Variants in NDUFAF6 observed in about 807,000 individuals in gnomAD.
NDUFAF6 encodes the protein NADH:ubiquinone oxidoreductase complex assembly factor 6.
NDUFAF6 carries 45 observed loss-of-function variants against 40.8 expected under a neutral mutation model. The observed-to-expected ratio is 1.10, with a 90% CI of 0.87 to 1.42. NDUFAF6 has a LOEUF of 1.42. Among genes scored for constraint, NDUFAF6 ranks in the 40% most tolerant of loss-of-function variants. The probability of loss-of-function intolerance (pLI) is 0.00; values close to 1 mark genes in which losing one functional copy is unlikely to be tolerated. For synonymous variants in NDUFAF6, 185 were observed against 155.9 expected (o/e 1.19, Z -1.39); for missense variants, 435 against 418.5 (o/e 1.04, Z -0.34).
chr8:94,957,479 A>G (rs1469062523), upstream of NDUFAF6, among the ~76,000 whole-genome samples: 1 of 152,196 alleles, frequency 6.6e-6, no homozygotes, highest in African/African-American at 2.4e-5. Context: ...AGGGACAGCC[A>G]ATGGGGTGAC....
chr8:94,959,945 C>G (rs1563749781), intron 1 of NDUFAF6, among the ~76,000 whole-genome samples: 3 of 152,152 alleles, frequency 2.0e-5, no homozygotes, highest in Non-Finnish European at 4.4e-5. Context: ...TCCCCAGCAC[C>G]AAGGATCACG....
At chr8:94,953,292 G>A (rs912950477), upstream of NDUFAF6, among the ~76,000 whole-genome samples, 5 of 151,648 alleles carry the variant, frequency 3.3e-5, no homozygotes, top group Admixed American at 6.6e-5. Flanking sequence ...GGTTGCATGA[G>A]CCGAGATCGC....
chr8:94,975,004 G>C (rs1025326439), intron 1 of NDUFAF6, among the ~76,000 whole-genome samples: 6 of 152,216 alleles, frequency 3.9e-5, no homozygotes, highest in Non-Finnish European at 7.3e-5. Flanking sequence ...AGATCTGCGA[G>C]GTTCCAAAAC....
At chr8:94,898,309 A>C (rs572759077) in intron 1 of NDUFAF6, among the ~76,000 whole-genome samples, 6 of 152,228 alleles carry the variant, frequency 3.9e-5, no homozygotes, top group Non-Finnish European at 8.8e-5. Context: ...GATACCCATC[A>C]CATTTAGATG....
At chr8:94,956,909 G>T (rs1045933472), upstream of NDUFAF6, among the ~76,000 whole-genome samples, 4 of 152,174 alleles carry the variant, frequency 2.6e-5, no homozygotes, top group Non-Finnish European at 4.4e-5. Flanking sequence ...AGTGGCTCAT[G>T]CCTGTAATCA....
At chr8:94,962,499 G>T (rs922685885) in intron 1 of NDUFAF6, among the ~76,000 whole-genome samples, 1 of 152,164 alleles carries the variant, frequency 6.6e-6, no homozygotes, top group African/African-American at 2.4e-5. Flanking sequence ...TGCCATGTTG[G>T]CCAGGCTAGT....
intron 2 of NDUFAF6, among the ~76,000 whole-genome samples, chr8:94,990,485 G>A (rs1826144159): frequency 6.6e-6 from 1 of 152,052 alleles, no homozygotes; most frequent in Admixed American, 6.6e-5. Context: ...CCTCTGATGG[G>A]TTCTTGAGTT....
At chr8:94,913,520 G>A (rs963641642) in intron 1 of NDUFAF6, among the ~76,000 whole-genome samples, 1 of 152,200 alleles carries the variant, frequency 6.6e-6, no homozygotes, top group Non-Finnish European at 1.5e-5. Flanking sequence ...TTCTGGGCCA[G>A]GCGCAGTGGC....
At chr8:94,975,004 G>T (rs1025326439) in intron 1 of NDUFAF6, among the ~76,000 whole-genome samples, 1 of 152,216 alleles carries the variant, frequency 6.6e-6, no homozygotes, top group Non-Finnish European at 1.5e-5. Flanking sequence ...AGATCTGCGA[G>T]GTTCCAAAAC....
chr8:95,039,377 G>A (rs996979701), intron 3 of NDUFAF6, among the ~76,000 whole-genome samples: 11 of 151,808 alleles, frequency 7.2e-5, no homozygotes, highest in South Asian at 4.2e-4. Flanking sequence ...CGCTTGAACC[G>A]GGGAGGTGGA....
At chr8:95,018,537 C>T (rs1406292428) in intron 2 of NDUFAF6, among the ~76,000 whole-genome samples, 1 of 150,978 alleles carries the variant, frequency 6.6e-6, no homozygotes, top group African/African-American at 2.4e-5. Context: ...TCCCTTTCCT[C>T]AAGGTGCTCC....
intron 2 of NDUFAF6, chr8:95,085,707 A>T (rs1337049851): frequency 6.6e-6 from 1 of 152,108 alleles, no homozygotes; most frequent in African/African-American, 2.4e-5. Context: ...TTAAAAAACT[A>T]TGCCACCTTA....
chr8:94,980,442 G>GT (rs869184585), intron 1 of NDUFAF6, among the ~76,000 whole-genome samples: 5,731 of 107,884 alleles, frequency 0.053, 210 homozygotes, highest in African/African-American at 0.066. Flanking sequence ...TGGTTTTTTT[G>GT]TTTTTTTTTT....
At chr8:94,905,522 C>T (rs1319877684) in intron 1 of NDUFAF6, among the ~76,000 whole-genome samples, 1 of 152,132 alleles carries the variant, frequency 6.6e-6, no homozygotes, top group African/African-American at 2.4e-5. Flanking sequence ...AGGATCCTAA[C>T]CTCACTTGGG....
chr8:94,950,618 CCTTAT>C (rs1177232362), intron 2 of NDUFAF6, among the ~76,000 whole-genome samples: 2 of 152,150 alleles, frequency 1.3e-5, no homozygotes, highest in African/African-American at 4.8e-5. Flanking sequence ...GGTCATTGGA[CCTTAT>C]CTTGGGAGAA....
At position 95,035,515 on chromosome 8, in the gene NDUFAF6, C is replaced by T. The variant is rs1259395949; in HGVS notation, c.359C>T (p.Thr120Ile). The T allele has an allele frequency of 6.2e-7, 1 of 1,613,082 alleles. No homozygotes were observed. The highest frequency in any genetic ancestry group is 8.5e-7 in the Non-Finnish European group (1 of 1,179,644). The change falls in exon 3 of 9, where the codon ACT becomes ATT. Residue 120 changes from threonine to isoleucine, a missense_variant. Thr to Ile is a moderately conservative substitution (Grantham distance 89, BLOSUM62 -1). Coordinates refer to ENST00000396124, the MANE Select transcript of NDUFAF6 (RefSeq NM_152416.4). ...ATGCGAATGCAGTTTTGGAAAAAAA[C>T]TGTGGAAGATATATACTGTGACAAT... ...GLMRMQFWKK[T>I]VEDIYCDNPP... is the part of the protein sequence containing the mutation.
At position 95,034,967 on chromosome 8, in the gene NDUFAF6, C is replaced by T. The variant is rs113093949; in HGVS notation, c.298-487C>T. On this transcript the variant is annotated intron_variant, in intron 2 of 8. Coordinates refer to ENST00000396124, the MANE Select transcript of NDUFAF6 (RefSeq NM_152416.4). ...TGATCTTGGCTCACTGCAACCTCTG[C>T]CTCTCAGGTTTAAGCGATTCTCCTG... Among the ~76,000 whole-genome samples, 1,947 of 151,992 alleles carry T rather than the reference C, an allele frequency of 0.013. 31 individuals carry two copies. The highest frequency in any genetic ancestry group is 0.044 in the African/African-American group (1,818 of 41,414).
At chr8:95,102,230 A>G (rs919368240) in intron 2 of NDUFAF6, among the ~76,000 whole-genome samples, 7 of 152,166 alleles carry the variant, frequency 4.6e-5, no homozygotes, top group African/African-American at 1.4e-4. Flanking sequence ...TCCTGACCTC[A>G]GGTGATCCAC....
chr8:95,068,042 G>A (rs1366170141), intron 9 of NDUFAF6: 1 of 151,900 alleles, frequency 6.6e-6, no homozygotes, highest in Non-Finnish European at 1.5e-5. Flanking sequence ...TGTTTTGTTA[G>A]GCTGCCCCTG....
Sources: allele counts gnomAD v4.1 joint callset (sites outside exome capture counted in the v4.1 genomes callset), GRCh38; gene constraint gnomAD v4.1.1; transcripts MANE v1.5; gene names NCBI Gene and HGNC (gene_info 2026-07-23, HGNC 2026-07-21).